HSPG2: variants seen among roughly 807,000 people sequenced by gnomAD.
HSPG2 encodes the protein heparan sulfate proteoglycan 2, also known as basement membrane-specific heparan sulfate proteoglycan core protein.
HSPG2 carries 278 observed loss-of-function variants against 526.6 expected under a neutral mutation model. The observed-to-expected ratio is 0.53, with a 90% confidence interval of 0.48 to 0.58. The LOEUF (loss-of-function observed/expected upper bound fraction) is 0.58, where lower values mean the gene tolerates loss of function less well. Ranked by LOEUF, HSPG2 falls within the 20% of genes least tolerant of loss-of-function variation. The probability of loss-of-function intolerance (pLI) is 0.00; values close to 1 mark genes in which losing one functional copy is unlikely to be tolerated. For synonymous variants in HSPG2, 2,465 were observed against 2,555.4 expected (o/e 0.96, Z 1.07); for missense variants, 5,354 against 6,099.5 (o/e 0.88, Z 4.07).
Position 21,855,897 on chromosome 1 carries a change from G to C in HSPG2, c.5591C>G (p.Ser1864Cys), listed in dbSNP as rs774915504. The C allele has an allele frequency of 1.2e-6, 2 of 1,610,650 alleles. No individual in the cohort carries two copies. The highest frequency in any genetic ancestry group is 2.2e-5 in the South Asian group (2 of 91,074). ...CGGATGGATGGAGACCACGGGGGCG[G>C]ACAAGGTGCCCGAGGCTGACAAGGG... Reference protein sequence around the residue: ...TLHVQASGTLSAPVVSIHPPQ... With the variant: ...TLHVQASGTLCAPVVSIHPPQ... The change falls in exon 45 of 97, where the codon TCC becomes TGC. Residue 1864 changes from serine (S) to cysteine (C), a missense_variant. Transcript: ENST00000374695.
chr1:21,892,525 C>T (rs1351004939), intron 3 of HSPG2, among the ~76,000 whole-genome samples: 1 of 152,266 alleles, frequency 6.6e-6, no homozygotes, highest in Non-Finnish European at 1.5e-5. Context: ...CCATCTCCCA[C>T]CCTGCAGCTG....
chr1:21,835,598 T>C lies in HSPG2; in HGVS notation c.10395A>G (p.Ile3465Met), dbSNP rs757920220. Residue 3465 changes from isoleucine (I) to methionine (M), a missense_variant, in exon 76 of 97, where the codon ATA becomes ATG. Physicochemically the swap from Ile to Met is conservative, Grantham distance 10. Coordinates refer to ENST00000374695, the MANE Select transcript of HSPG2 (RefSeq NM_005529.7). ...NLDQSCQGTY[I>M]CQAHGPWGKA... ...TCCCCCAAGGTCCATGGGCCTGGCA[T>C]ATATACGTCCCTTGGCAGCTCTGGT... The C allele has an allele frequency of 8.1e-6, 13 of 1,614,166 alleles. No individual in the cohort carries two copies. The highest frequency in any genetic ancestry group is 1.1e-5 in the Non-Finnish European group (13 of 1,179,978).
chr1:21,885,268 AC>A, intron 10 of HSPG2, 51 bp downstream of exon 10: 2 of 1,612,354 alleles, frequency 1.2e-6, no homozygotes, highest in African/African-American at 2.7e-5. Context: ...TGTGGACAGA[AC>A]CCCTAGAACC....
rs1638411235 is a variant in HSPG2, at chr1:21,846,116, T to C, written c.8456A>G (p.His2819Arg). 6.2e-7 allele frequency: 1 copy of C among 1,612,672 alleles called. No homozygotes were observed. Residue 2819 changes from histidine (H) to arginine (R), a missense_variant, in exon 64 of 97, where the codon CAC becomes CGC. Coordinates refer to ENST00000374695, the MANE Select transcript of HSPG2 (RefSeq NM_005529.7). ...TIEASGSSAV[H>R]VPAPGGAPPI... ...ACTGCAGGGACCCTCACCGGGGACG[T>C]GGACAGCACTTGAGCCAGAGGCTTC...
At chr1:21,863,382 G>C (rs1639981426) in intron 37 of HSPG2, among the ~76,000 whole-genome samples, 1 of 151,212 alleles carries the variant, frequency 6.6e-6, no homozygotes, top group Non-Finnish European at 1.5e-5. Context: ...AAAAAAAAAA[G>C]AAAAAGAAAA....
At chr1:21,935,497 T>C (rs978738438) in intron 1 of HSPG2, among the ~76,000 whole-genome samples, 12 of 152,236 alleles carry the variant, frequency 7.9e-5, no homozygotes, top group Admixed American at 5.2e-4. Flanking sequence ...GGCAAATATC[T>C]GCCCAAAGAA....
chr1:21,900,002 C>G (rs1318986914), intron 1 of HSPG2, among the ~76,000 whole-genome samples: 1 of 152,244 alleles, frequency 6.6e-6, no homozygotes, highest in Non-Finnish European at 1.5e-5. Flanking sequence ...TGGGACTGTG[C>G]AGCATGTGCC....
chr1:21,854,503 T>A (rs1639176826), intron 49 of HSPG2, 108 bp downstream of exon 49: 3 of 1,454,912 alleles, frequency 2.1e-6, no homozygotes, highest in Non-Finnish European at 2.8e-6. Flanking sequence ...CTTCTGCTGG[T>A]GGAACGTGTG....
Position 21,828,726 on chromosome 1 carries a change from T to TG in HSPG2, c.12237+108dup. On this transcript the variant is annotated intron_variant, in intron 88 of 96. Coordinates refer to ENST00000374695, the MANE Select transcript of HSPG2 (RefSeq NM_005529.7). This position sits in a 1 kb window ranked among gnomAD's most constrained non-coding sequence, Gnocchi z 6.0. ...GTACAGTGTCCTGGCCCAGGGCCCGTGGGTGGCTGCAGGTGGAGGGGCCCA... is the reference window on the plus strand; with the variant it reads ...GTACAGTGTCCTGGCCCAGGGCCCGTGGGGTGGCTGCAGGTGGAGGGGCCCA... 6.8e-7 allele frequency: 1 copy of TG among 1,463,692 alleles called. No individual in the cohort carries two copies. The highest frequency in any genetic ancestry group is 1.4e-5 in the African/African-American group (1 of 71,022). 90.7% of individuals were successfully genotyped at this position (1,463,692 alleles called of 1,614,324 possible). A position where few individuals can be genotyped will look rare whatever the true frequency, so the allele number is the denominator to read the frequency against.
Position 21,880,421 on chromosome 1 carries a change from C to A in HSPG2, c.2137G>T (p.Asp713Tyr). The change falls in exon 16 of 97, where the codon GAT becomes TAT. Residue 713 changes from aspartate (D) to tyrosine (Y), a missense_variant. Coordinates refer to ENST00000374695, the MANE Select transcript of HSPG2 (RefSeq NM_005529.7). ...ASVGLSDIAM[D>Y]TTVTHATSHG... is the part of the protein sequence containing the mutation. Reference sequence around the variant, plus strand: ...CTGGTGGCATGGGTGACGGTGGTATCCATGGCGATGTCGCTAAGTCCCACG... The same window carrying A: ...CTGGTGGCATGGGTGACGGTGGTATACATGGCGATGTCGCTAAGTCCCACG... 2 of 1,614,022 alleles carry A rather than the reference C, an allele frequency of 1.2e-6. No individual in the cohort carries two copies. The highest frequency in any genetic ancestry group is 1.7e-6 in the Non-Finnish European group (2 of 1,179,994).
In HSPG2 at chr1:21,830,872, G is replaced by C. The variant is rs186793735; in HGVS notation, c.11671+110C>G. 1,951 of 716,840 alleles carry C rather than the reference G, an allele frequency of 2.7e-3. 24 individuals carry two copies. In the African/African-American group the frequency reaches 0.031, roughly 11 times the overall value. The allele number at this position is 716,840 out of a possible 1,614,324, so 44.4% of individuals were successfully genotyped here. On this transcript the variant is annotated intron_variant, in intron 85 of 96. Transcript: ENST00000374695. Reference sequence around the variant, plus strand: ...AGGAGTGGAGAGTGCTCAGGTGAGAGTGGGGGGTGTGGAAGTGCCCCAGTG... The same window carrying C: ...AGGAGTGGAGAGTGCTCAGGTGAGACTGGGGGGTGTGGAAGTGCCCCAGTG...
intron 1 of HSPG2, among the ~76,000 whole-genome samples, chr1:21,927,541 C>A (rs76457022): frequency 2.7e-5 from 4 of 147,242 alleles, no homozygotes; most frequent in South Asian, 2.2e-4. Context: ...CCACCCCCCC[C>A]ACTGTCACTA....
Position 21,893,304 on chromosome 1 carries a change from A to G in HSPG2, c.245-2610T>C, listed in dbSNP as rs1333366747. Among the ~76,000 whole-genome samples the G allele has an allele frequency of 2.0e-5, 3 of 152,150 alleles. No individual in the cohort carries two copies. The highest frequency in any genetic ancestry group is 4.4e-5 in the Non-Finnish European group (3 of 68,016). The stretch of plus-strand genomic sequence containing the variant: ...GCTGCTGCACCCATCTCTGCCCGTC[A>G]ACACCCCATGGGGAAGAACGCCCGC... On this transcript the variant is annotated intron_variant, in intron 3 of 96. Coordinates refer to ENST00000374695, the MANE Select transcript of HSPG2 (RefSeq NM_005529.7). The surrounding 1 kb of genome is among the most constrained non-coding windows in gnomAD (Gnocchi z 4.3).
Position 21,872,874 on chromosome 1 carries a change from CT to C in HSPG2, c.3889-115del. On this transcript the variant is annotated intron_variant, in intron 31 of 96. Coordinates refer to ENST00000374695, the MANE Select transcript of HSPG2 (RefSeq NM_005529.7). This position sits in a 1 kb window ranked among gnomAD's most constrained non-coding sequence, Gnocchi z 5.5. ...CCAGCAGCCCCGGGCAGCCCCTGCC[CT>C]GTCCCCCATGCCCTGCCCCCCATGC... is the stretch of plus-strand genomic sequence containing the variant. The C allele has an allele frequency of 1.3e-6, 2 of 1,541,582 alleles. No homozygotes were observed. The highest frequency in any genetic ancestry group is 2.3e-5 in the South Asian group (2 of 88,746).
In HSPG2 at chr1:21,858,867, C is replaced by T. The variant is rs1451758628; in HGVS notation, c.5293+699G>A. Among the ~76,000 whole-genome samples, 5 of 152,184 alleles carry T rather than the reference C, an allele frequency of 3.3e-5. No individual in the cohort carries two copies. Among genetic ancestry groups the T allele is most frequent in the African/African-American group, 7.2e-5 (3 of 41,440 alleles). ...AGACATACTGCAGCTCCTTGGACCC[C>T]AGGGCAGGGTGACTTTGAGGTGCGT... On this transcript the variant is annotated intron_variant, in intron 42 of 96. Coordinates refer to ENST00000374695, the MANE Select transcript of HSPG2 (RefSeq NM_005529.7). The surrounding 1 kb of genome is among the most constrained non-coding windows in gnomAD (Gnocchi z 4.2).
intron 66 of HSPG2, 109 bp downstream of exon 66, chr1:21,843,188 C>A: frequency 6.6e-7 from 1 of 1,510,330 alleles, no homozygotes. Flanking sequence ...GTAGGAAACC[C>A]CGCCTGCAGG....
intron 1 of HSPG2, among the ~76,000 whole-genome samples, chr1:21,912,254 A>G (rs1643718636): frequency 6.6e-6 from 1 of 152,100 alleles, no homozygotes; most frequent in African/African-American, 2.4e-5. Flanking sequence ...AAATGGGAAT[A>G]AAAATGACCC....
Position 21,855,323 on chromosome 1 carries a change from C to T in HSPG2, c.5978G>A (p.Gly1993Glu), listed in dbSNP as rs780153688. The T allele has an allele frequency of 1.2e-6, 2 of 1,606,966 alleles. No homozygotes were observed. Among genetic ancestry groups the T allele is most frequent in the Non-Finnish European group, 1.7e-6 (2 of 1,177,646 alleles). ...PSATITWRKE[G>E]GSLPPQARSE... ...CCTCACCTGTGGTGGGAGGCTGCCC[C>T]CTTCCTTCCTCCAGGTGATGGTGGC... is the stretch of plus-strand genomic sequence containing the variant. Residue 1993 changes from glycine (G) to glutamate (E), a missense_variant, in exon 47 of 97, where the codon GGG (glycine) becomes GAG (glutamate). By Grantham distance (98) the Gly-to-Glu change is moderately conservative. Coordinates refer to ENST00000374695, the MANE Select transcript of HSPG2 (RefSeq NM_005529.7).
In HSPG2 at chr1:21,830,012, C is replaced by T. The variant is rs144447618; in HGVS notation, c.11751G>A (p.Ser3917=). The T allele has an allele frequency of 4.2e-5, 67 of 1,610,106 alleles. No homozygotes were observed. Among genetic ancestry groups the T allele is most frequent in the African/African-American group, 3.6e-4 (27 of 75,014 alleles). ...CCTCACCTTCCTCACACCGCAACCC[C>T]GAGCGGCCCAGGTGGCAGCGGCAGG... ...GYTCRCHLGR[S]GLRCEEGVTV... The change falls in exon 86 of 97, where the codon TCG becomes TCA. Residue 3917 remains serine (S), a synonymous_variant. Coordinates refer to ENST00000374695, the MANE Select transcript of HSPG2 (RefSeq NM_005529.7).
Sources: gnomAD v4.1 joint callset for allele counts (sites outside exome capture counted in the v4.1 genomes callset) on GRCh38, gnomAD v4.1.1 for gene constraint, Gnocchi (gnomAD v3.1) non-coding constraint, MANE v1.5 for transcripts, NCBI Gene and HGNC (gene_info 2026-07-23, HGNC 2026-07-21) for gene names.